The following CA13 variants were observed in gnomAD, a reference collection of about 807,000 sequenced individuals.
CA13 encodes carbonic anhydrase 13.
Under a neutral mutation model 31.5 loss-of-function variants are expected in CA13, and 21 were observed. The observed-to-expected ratio is 0.67, with a 90% CI of 0.47 to 0.96. The LOEUF (loss-of-function observed/expected upper bound fraction) is 0.96. CA13 is among the 40% of genes least tolerant of loss of function. The pLI, the probability that CA13 is intolerant of heterozygous loss-of-function variation, is 0.00. For synonymous variants in CA13, 117 were observed against 111.4 expected (o/e 1.05, Z -0.32); for missense variants, 315 against 318.9 (o/e 0.99, Z 0.09).
chr8:85,280,234 T>G (rs1481856565), intron 6 of CA13, among the ~76,000 whole-genome samples: 1 of 152,148 alleles, frequency 6.6e-6, no homozygotes, highest in Non-Finnish European at 1.5e-5. Context: ...GAGCCGAGAT[T>G]CTGCCATTGC....
At chr8:85,261,081 TG>T (rs764898281) in intron 3 of CA13, among the ~76,000 whole-genome samples, 9 of 152,118 alleles carry the variant, frequency 5.9e-5, no homozygotes, top group East Asian at 1.9e-4. Flanking sequence ...AAGACTTTTT[TG>T]TTGTTGTTGT....
intron 6 of CA13, among the ~76,000 whole-genome samples, chr8:85,274,036 C>T (rs918695845): frequency 6.6e-6 from 1 of 152,082 alleles, no homozygotes; most frequent in African/African-American, 2.4e-5. Flanking sequence ...GGCCAGCTCT[C>T]TTCCTGCTTC....
chr8:85,245,956 C>T, intron 1 of CA13, 91 bp downstream of exon 1: 4 of 1,448,506 alleles, frequency 2.8e-6, no homozygotes, highest in Non-Finnish European at 2.9e-6. Flanking sequence ...ACACACTGGG[C>T]TCGCACATTG....
chr8:85,276,692 G>A (rs1198591080), intron 6 of CA13, among the ~76,000 whole-genome samples: 1 of 152,056 alleles, frequency 6.6e-6, no homozygotes, highest in Non-Finnish European at 1.5e-5. Flanking sequence ...GTCTAGCTAA[G>A]GGATTGTAAA....
intron 6 of CA13, among the ~76,000 whole-genome samples, chr8:85,275,776 G>A (rs574840918): frequency 5.4e-4 from 82 of 152,120 alleles, no homozygotes; most frequent in Non-Finnish European, 1.1e-3. Flanking sequence ...ACTTTTCCCC[G>A]ATTCAACACA....
rs936395952 is a variant in CA13 at position 85,280,889 on chromosome 8, A to AATGT, written c.670-328_670-325dup. Among the ~76,000 whole-genome samples the AATGT allele has an allele frequency of 1.2e-3, 183 of 152,298 alleles. 1 individual carries two copies. Among genetic ancestry groups the AATGT allele is most frequent in the Non-Finnish European group, 2.2e-3 (151 of 68,016 alleles). The stretch of plus-strand genomic sequence containing the variant: ...ATAGTTGAGTTCATTTTTGTCATAA[A>AATGT]ATGTATGTATGTATGTGTGTTTATA... On this transcript the variant is annotated intron_variant, in intron 6 of 6. Coordinates refer to ENST00000321764, the MANE Select transcript of CA13 (RefSeq NM_198584.3).
chr8:85,263,582 T>C (rs967489992), intron 3 of CA13, among the ~76,000 whole-genome samples: 1 of 152,042 alleles, frequency 6.6e-6, no homozygotes, highest in Admixed American at 6.6e-5. Context: ...GATGTCATGA[T>C]TGAAGGAAGG....
At chr8:85,260,496 C>T (rs1484283035) in intron 3 of CA13, among the ~76,000 whole-genome samples, 6 of 152,196 alleles carry the variant, frequency 3.9e-5, no homozygotes, top group African/African-American at 1.4e-4. Context: ...AGAAATCCGA[C>T]AATCAGAACT....
intron 6 of CA13, among the ~76,000 whole-genome samples, chr8:85,277,931 C>T (rs1273117304): frequency 9.9e-5 from 15 of 152,118 alleles, no homozygotes; most frequent in African/African-American, 3.1e-4. Context: ...AGTGGCCTTG[C>T]ACCTTGGGAC....
At chr8:85,268,676 G>GA in intron 6 of CA13, 49 bp downstream of exon 6, 1 of 1,355,420 alleles carries the variant, frequency 7.4e-7, no homozygotes, top group Non-Finnish European at 9.7e-7. Flanking sequence ...AGGAAACTGG[G>GA]CTTTTTTTTT....
At chr8:85,275,931 C>A (rs553279442) in intron 6 of CA13, among the ~76,000 whole-genome samples, 1 of 152,246 alleles carries the variant, frequency 6.6e-6, no homozygotes, top group Non-Finnish European at 1.5e-5. Flanking sequence ...TCGCTCTCAG[C>A]GCCTCCTCTG....
At chr8:85,255,575 G>A (rs531564778) in intron 2 of CA13, among the ~76,000 whole-genome samples, 106 of 151,868 alleles carry the variant, frequency 7.0e-4, no homozygotes, top group Non-Finnish European at 1.4e-3. Flanking sequence ...ACAGGGTTTC[G>A]CCATGTTGGT....
chr8:85,272,908 C>G (rs1418363189), intron 6 of CA13, among the ~76,000 whole-genome samples: 1 of 152,174 alleles, frequency 6.6e-6, no homozygotes, highest in Non-Finnish European at 1.5e-5. Flanking sequence ...ACCACCACCT[C>G]CCGGGTTCAA....
chr8:85,273,823 G>A (rs1226883689), intron 6 of CA13, among the ~76,000 whole-genome samples: 1 of 152,034 alleles, frequency 6.6e-6, no homozygotes, highest in Non-Finnish European at 1.5e-5. Context: ...CAGACAACAC[G>A]AGGTGGTGTG....
intron 3 of CA13, among the ~76,000 whole-genome samples, chr8:85,265,568 T>A (rs1274161794): frequency 6.6e-6 from 1 of 151,994 alleles, no homozygotes; most frequent in Non-Finnish European, 1.5e-5. Context: ...TTGTTTTATC[T>A]CCCTCCTTAG....
intron 6 of CA13, among the ~76,000 whole-genome samples, chr8:85,270,229 C>A (rs1294543722): frequency 6.6e-6 from 1 of 152,178 alleles, no homozygotes; most frequent in African/African-American, 2.4e-5. Context: ...ATGTACTGGG[C>A]TTGCCCACCT....
At chr8:85,279,164 A>G (rs1254182419) in intron 6 of CA13, among the ~76,000 whole-genome samples, 1 of 152,260 alleles carries the variant, frequency 6.6e-6, no homozygotes, top group Non-Finnish European at 1.5e-5. Flanking sequence ...GGAAACCAGC[A>G]AAACAGGTCA....
chr8:85,253,871 G>C lies in CA13; in HGVS notation c.235+2934G>C, dbSNP rs566763118. On this transcript the variant is annotated intron_variant, in intron 2 of 6. Coordinates refer to ENST00000321764, the MANE Select transcript of CA13 (RefSeq NM_198584.3). ...TTAATGTAATAGATATATTGTAAAA[G>C]TGTCCAAGTCTTCTAAATACAAAGT... is the stretch of plus-strand genomic sequence containing the variant. Among the ~76,000 whole-genome samples the C allele has an allele frequency of 4.6e-5, 7 of 152,252 alleles. No individual in the cohort carries two copies. In the East Asian group the frequency reaches 1.4e-3, roughly 29 times the overall value.
chr8:85,250,906 T>G lies in CA13; in HGVS notation c.204T>G (p.Asn68Lys), dbSNP rs781515388. The change falls in exon 2 of 7, where the codon AAT becomes AAG. Residue 68 changes from asparagine to lysine, a missense_variant. Coordinates refer to ENST00000321764, the MANE Select transcript of CA13 (RefSeq NM_198584.3). The part of the protein sequence containing the change: ...KIISNSGHSF[N>K]VDFDDTENKS... ...TCAGCAACAGCGGCCATTCCTTCAA[T>G]GTTGACTTTGATGACACAGAGAACA... The G allele has an allele frequency of 6.2e-7, 1 of 1,614,030 alleles. No individual in the cohort carries two copies. Among genetic ancestry groups the G allele is most frequent in the South Asian group, 1.1e-5 (1 of 91,068 alleles).
Sources: allele counts gnomAD v4.1 joint callset (sites outside exome capture counted in the v4.1 genomes callset), GRCh38; gene constraint gnomAD v4.1.1; transcripts MANE v1.5; gene names NCBI Gene and HGNC (gene_info 2026-07-23, HGNC 2026-07-21).